Variants in PRKN observed in about 807,000 individuals in gnomAD.
PRKN encodes parkin RBR E3 ubiquitin protein ligase.
PRKN carries 56 observed loss-of-function variants against 59.5 expected under a neutral mutation model. The ratio of observed to expected loss-of-function variants is 0.94; its 90% CI spans 0.76 to 1.18. The LOEUF is 1.18. Among genes scored for constraint, PRKN ranks in the 50% most tolerant of loss-of-function variants. The pLI, the probability that PRKN is intolerant of heterozygous loss-of-function variation, is 0.00. For synonymous variants in PRKN, 250 were observed against 222.1 expected (o/e 1.13, Z -1.12); for missense variants, 657 against 596.4 (o/e 1.10, Z -1.06).
At chr6:162,682,653 C>T (rs182303363) in intron 1 of PRKN, among the ~76,000 whole-genome samples, 2 of 152,176 alleles carry the variant, frequency 1.3e-5, no homozygotes, top group East Asian at 3.9e-4. Context: ...TTATCAGGTA[C>T]TATGTCCACT....
chr6:161,876,460 T>C (rs1583287361), intron 6 of PRKN, among the ~76,000 whole-genome samples: 1 of 152,164 alleles, frequency 6.6e-6, no homozygotes, highest in Non-Finnish European at 1.5e-5. Flanking sequence ...TACAGGCGCA[T>C]GCCGTCACAC....
At chr6:161,702,390 A>G (rs1393050193) in intron 7 of PRKN, among the ~76,000 whole-genome samples, 1 of 152,214 alleles carries the variant, frequency 6.6e-6, no homozygotes, top group African/African-American at 2.4e-5. Context: ...AGCCTATGAC[A>G]CAAATGGACC....
At chr6:161,728,122 T>G (rs1461342494) in intron 7 of PRKN, among the ~76,000 whole-genome samples, 1 of 152,126 alleles carries the variant, frequency 6.6e-6, no homozygotes, top group East Asian at 1.9e-4. Context: ...ATACTTTGCA[T>G]GGGCTAAAAG....
rs532410806 is a variant in PRKN, at chr6:161,396,118, C to G, written c.1084-9241G>C. On this transcript the variant is annotated intron_variant, in intron 9 of 11. Coordinates refer to ENST00000366898, the MANE Select transcript of PRKN (RefSeq NM_004562.3). This position sits in a 1 kb window ranked among gnomAD's most constrained non-coding sequence, Gnocchi z 5.4. ...CTGGGGTGGGAGTGCTGTATGCTCTCGGTCCCTAATCCCCCGCCTCTTTTC... is the reference window on the plus strand; with the variant it reads ...CTGGGGTGGGAGTGCTGTATGCTCTGGGTCCCTAATCCCCCGCCTCTTTTC... 6.6e-6 allele frequency among the ~76,000 whole-genome samples: 1 copy of G among 152,146 alleles called. No homozygotes were observed. Among genetic ancestry groups the G allele is most frequent in the Non-Finnish European group, 1.5e-5 (1 of 68,034 alleles).
chr6:162,473,557 T>TA (rs1791863050), intron 1 of PRKN, among the ~76,000 whole-genome samples: 1 of 152,162 alleles, frequency 6.6e-6, no homozygotes, highest in Non-Finnish European at 1.5e-5. Flanking sequence ...GATAAAAAAG[T>TA]AAAAATATGC....
chr6:162,130,856 A>G (rs889909501), intron 4 of PRKN, among the ~76,000 whole-genome samples: 2 of 152,198 alleles, frequency 1.3e-5, no homozygotes, highest in African/African-American at 2.4e-5. Context: ...GATTAGATAA[A>G]GAATAATATG....
intron 1 of PRKN, among the ~76,000 whole-genome samples, chr6:162,499,396 C>A (rs780728299): frequency 2.0e-5 from 3 of 152,140 alleles, no homozygotes; most frequent in Non-Finnish European, 2.9e-5. Context: ...ATTTGTCACA[C>A]CTCTTCAAAT....
At chr6:161,988,480 C>T (rs773795438) in intron 5 of PRKN, among the ~76,000 whole-genome samples, 8 of 150,908 alleles carry the variant, frequency 5.3e-5, no homozygotes, top group Non-Finnish European at 7.4e-5. Flanking sequence ...GGCGAGACTC[C>T]GTCTCAAAAA....
chr6:162,554,416 C>A (rs1475966621), intron 1 of PRKN, among the ~76,000 whole-genome samples: 13 of 152,120 alleles, frequency 8.5e-5, no homozygotes, highest in Admixed American at 7.9e-4. Context: ...GCAGGAGAAT[C>A]ACTTGAACTC....
At chr6:161,477,415 C>A (rs1178889244) in intron 9 of PRKN, among the ~76,000 whole-genome samples, 1 of 149,988 alleles carries the variant, frequency 6.7e-6, no homozygotes, top group Admixed American at 6.8e-5. Context: ...TACTCGGAGG[C>A]TGAGGCAGGA....
chr6:161,931,048 A>C (rs951438345), intron 6 of PRKN, among the ~76,000 whole-genome samples: 2 of 152,216 alleles, frequency 1.3e-5, no homozygotes, highest in Admixed American at 6.5e-5. Flanking sequence ...TAGCCACTAC[A>C]TTTGTGGTAA....
Position 161,529,507 on chromosome 6 carries a change from G to A in PRKN, c.1083+19347C>T, listed in dbSNP as rs907844088. ...AGGAAAGGTGAAATGGCTTACTTAT[G>A]ATCTCACAGCAATGGGACAGAGAAA... On this transcript the variant is annotated intron_variant, in intron 9 of 11. Transcript: ENST00000366898. The surrounding 1 kb of genome is among the most constrained non-coding windows in gnomAD (Gnocchi z 4.4). 3.3e-5 allele frequency among the ~76,000 whole-genome samples: 5 copies of A among 152,308 alleles called. No homozygotes were observed. The South Asian group carries it at 8.3e-4, about 25-fold the overall frequency.
intron 9 of PRKN, among the ~76,000 whole-genome samples, chr6:161,425,830 T>C (rs1332707719): frequency 6.6e-6 from 1 of 152,182 alleles, no homozygotes; most frequent in Non-Finnish European, 1.5e-5. Flanking sequence ...ACATCAGTAA[T>C]TCCCCCCATA....
At chr6:162,164,155 C>A (rs1434081635) in intron 4 of PRKN, among the ~76,000 whole-genome samples, 1 of 149,216 alleles carries the variant, frequency 6.7e-6, no homozygotes, top group African/African-American at 2.5e-5. Context: ...TGTTATTTAA[C>A]AATGGCCGAA....
rs567941877 is a variant in PRKN at position 162,110,916 on chromosome 6, C to T, written c.535-56742G>A. Among the ~76,000 whole-genome samples, 9 of 152,180 alleles carry T rather than the reference C, an allele frequency of 5.9e-5. No individual in the cohort carries two copies. The South Asian group carries it at 6.2e-4, about 11-fold the overall frequency. ...AGGACAAATCCAGATTCTGAGACATCCCAAAAAAGGACTGGCCTGACGTCT... is the reference window on the plus strand; with the variant it reads ...AGGACAAATCCAGATTCTGAGACATTCCAAAAAAGGACTGGCCTGACGTCT... On this transcript the variant is annotated intron_variant, in intron 4 of 11. Transcript: ENST00000366898.
At chr6:162,445,692 A>T (rs1244535695) in intron 1 of PRKN, among the ~76,000 whole-genome samples, 1 of 38,618 alleles carries the variant, frequency 2.6e-5, no homozygotes. Context: ...CCTTGTCTAA[A>T]AAAAAAAAAA....
intron 2 of PRKN, among the ~76,000 whole-genome samples, chr6:162,414,108 G>C (rs1410780538): frequency 6.6e-6 from 1 of 151,640 alleles, no homozygotes; most frequent in Non-Finnish European, 1.5e-5. Flanking sequence ...GCCCGAACCT[G>C]GGAGGTGGAG....
intron 7 of PRKN, among the ~76,000 whole-genome samples, chr6:161,623,958 G>A (rs1308895911): frequency 6.6e-6 from 1 of 152,122 alleles, no homozygotes. Context: ...TCTAATATTT[G>A]ATAATAAACA....
At chr6:161,640,582 T>C (rs1783703207) in intron 7 of PRKN, among the ~76,000 whole-genome samples, 1 of 151,820 alleles carries the variant, frequency 6.6e-6, no homozygotes, top group Non-Finnish European at 1.5e-5. Context: ...AAAAAGGGAG[T>C]ATATCCCACT....
Sources: allele counts gnomAD v4.1 joint callset (sites outside exome capture counted in the v4.1 genomes callset), GRCh38; gene constraint gnomAD v4.1.1; non-coding constraint Gnocchi (gnomAD v3.1); transcripts MANE v1.5; gene names NCBI Gene and HGNC (gene_info 2026-07-23, HGNC 2026-07-21).